Variants in NDUFS2 observed in about 807,000 individuals in gnomAD.
NDUFS2 encodes the protein NADH dehydrogenase [ubiquinone] iron-sulfur protein 2, mitochondrial.
A neutral mutation model predicts 69.6 loss-of-function variants in NDUFS2; 38 were observed. That is an observed-to-expected ratio of 0.55 (90% CI 0.42 to 0.72). The LOEUF (loss-of-function observed/expected upper bound fraction) is 0.72. Ranked by LOEUF, NDUFS2 falls within the 30% of genes least tolerant of loss-of-function variation. NDUFS2 has a pLI of 0.00. For synonymous variants in NDUFS2, 194 were observed against 211.2 expected, an observed-to-expected ratio of 0.92 and a Z score of 0.70; for missense variants, 468 against 595.0, an observed-to-expected ratio of 0.79 and a Z score of 2.22.
At chr1:161,210,045 G>A (rs567091843) in intron 6 of NDUFS2, 66 bp from the exon 7 acceptor site, 48 of 1,588,346 alleles carry the variant, frequency 3.0e-5, no homozygotes, top group Non-Finnish European at 4.0e-5. Context: ...GGGGGAGGGG[G>A]TGCTGAGAGG....
rs1447281617 is a variant in NDUFS2 at position 161,209,284 on chromosome 1, G to A, written c.485G>A (p.Arg162Gln). 6.2e-6 allele frequency: 10 copies of A among 1,613,956 alleles called. No individual in the cohort carries two copies. Among genetic ancestry groups the A allele is most frequent in the Admixed American group, 3.3e-5 (2 of 59,980 alleles). The change falls in exon 4 of 14, where the codon CGG becomes CAG. Residue 162 changes from arginine to glutamine, a missense_variant. Arg to Gln is a conservative substitution (Grantham distance 43). Transcript: ENST00000676972. Reference protein sequence around the residue: ...SLAVEKLLNIRPPPRAQWIRV... With the variant: ...SLAVEKLLNIQPPPRAQWIRV... Reference sequence around the variant, plus strand: ...GCTGTGGAGAAGTTGCTAAACATCCGGCCTCCTCCTCGGGCACAGTGGATC... The same window carrying A: ...GCTGTGGAGAAGTTGCTAAACATCCAGCCTCCTCCTCGGGCACAGTGGATC...
At position 161,209,989 on chromosome 1, in the gene NDUFS2, A is replaced by G. The variant is rs895858537; in HGVS notation, c.702+58A>G. The G allele has an allele frequency of 2.6e-5, 41 of 1,604,052 alleles. 1 individual carries two copies. In the African/African-American group the frequency reaches 3.6e-4, roughly 14 times the overall value. ...GCCCAGGCCTATTTTCCCTGTGGCC[A>G]CTGGAGGGCAGTGCTGGATGATGGA... On this transcript the variant is annotated intron_variant, in intron 6 of 13. Transcript: ENST00000676972.
At chr1:161,213,019 C>T (rs1218671167) in intron 10 of NDUFS2, 3 of 333,146 alleles carry the variant, frequency 9.0e-6, no homozygotes, top group Non-Finnish European at 1.8e-5. Context: ...ATTCTCCTGC[C>T]TTAGTCTCCC....
chr1:161,206,624 G>C (rs764316585), intron 3 of NDUFS2, 27 bp downstream of exon 3: 7 of 1,610,292 alleles, frequency 4.3e-6, no homozygotes, highest in Non-Finnish European at 5.9e-6. Flanking sequence ...GGAGCCTTTT[G>C]GCGGGATCTG....
In NDUFS2 at chr1:161,202,434, G is replaced by C. The variant is rs750157289; in HGVS notation, c.49G>C (p.Val17Leu). The C allele has an allele frequency of 6.2e-7, 1 of 1,612,914 alleles. No individual in the cohort carries two copies. The highest frequency in any genetic ancestry group is 8.5e-7 in the Non-Finnish European group (1 of 1,179,766). ...LCGFRGVAAQVLRPGAGVRLP... is the reference protein window; with the variant it reads ...LCGFRGVAAQLLRPGAGVRLP... Reference sequence around the variant, plus strand: ...CGGCTTCCGGGGCGTCGCGGCCCAGGTGCTGCGGCCTGGGGCTGGAGTCCG... The same window carrying C: ...CGGCTTCCGGGGCGTCGCGGCCCAGCTGCTGCGGCCTGGGGCTGGAGTCCG... The change falls in exon 1 of 14, where the codon GTG becomes CTG. Residue 17 changes from valine (V) to leucine (L), a missense_variant. By Grantham distance (32) the Val-to-Leu change is conservative (BLOSUM62 1). Coordinates refer to ENST00000676972, the MANE Select transcript of NDUFS2 (RefSeq NM_001377299.1).
intron 1 of NDUFS2, among the ~76,000 whole-genome samples, chr1:161,203,147 A>G (rs1040392616): frequency 5.9e-5 from 9 of 152,134 alleles, no homozygotes; most frequent in Non-Finnish European, 2.9e-5. Context: ...GTCTTTAAAA[A>G]AATACAAAAT....
chr1:161,202,038 G>A, upstream of NDUFS2: 2 of 416,700 alleles, frequency 4.8e-6, no homozygotes, highest in South Asian at 4.2e-5. Context: ...GCGGAAGGGA[G>A]TAGGGAAGGA....
chr1:161,212,266 T>G, intron 9 of NDUFS2, 85 bp from the exon 10 acceptor site: 1 of 1,567,678 alleles, frequency 6.4e-7, no homozygotes, highest in Non-Finnish European at 8.7e-7. Context: ...ACCTAACCCT[T>G]TTGAGGTTGG....
upstream of NDUFS2, among the ~76,000 whole-genome samples, chr1:161,201,117 A>C (rs1665097603): frequency 6.6e-6 from 1 of 152,248 alleles, no homozygotes. Flanking sequence ...TGAGGACAAC[A>C]GAGGGACCAA....
intron 1 of NDUFS2, 22 bp downstream of exon 1, chr1:161,202,502 GAC>G: frequency 6.3e-7 from 1 of 1,598,604 alleles, no homozygotes; most frequent in Non-Finnish European, 8.5e-7. Flanking sequence ...GGCAGCTCTC[GAC>G]ACACTTTCTC....
rs10629771 is a variant in NDUFS2, at chr1:161,214,269, CTGTGTGTGTGTG to C, written c.*96_*107del. ...CCTGTTCCTCACTGGAAATTGGCCTCTGTGTGTGTGTGTGTGTGTGTGTGTGTGTGTATGTTC... is the reference window on the plus strand; with the variant it reads ...CCTGTTCCTCACTGGAAATTGGCCTCTGTGTGTGTGTGTGTGTGTATGTTC... On this transcript the variant is annotated 3_prime_UTR_variant, in exon 14 of 14. Coordinates refer to ENST00000676972, the MANE Select transcript of NDUFS2 (RefSeq NM_001377299.1). The C allele has an allele frequency of 5.6e-5, 50 of 895,494 alleles. No individual in the cohort carries two copies. Among genetic ancestry groups the C allele is most frequent in the South Asian group, 2.7e-4 (19 of 70,634 alleles). 55.5% of individuals were successfully genotyped at this position (895,494 alleles called of 1,614,324 possible). A position where few individuals can be genotyped will look rare whatever the true frequency, so the allele number is the denominator to read the frequency against.
chr1:161,198,924 T>C (rs886513849), upstream of NDUFS2: 34 of 364,432 alleles, frequency 9.3e-5, no homozygotes, highest in Non-Finnish European at 4.5e-5. This position sits in a 1 kb window ranked among gnomAD's most constrained non-coding sequence, Gnocchi z 4.7. Context: ...TCTCCCTCTG[T>C]AGGACTCTGT....
At chr1:161,205,830 G>A (rs542697798) in intron 2 of NDUFS2, among the ~76,000 whole-genome samples, 1 of 152,012 alleles carries the variant, frequency 6.6e-6, no homozygotes, top group Non-Finnish European at 1.5e-5. Flanking sequence ...GTAAGCATTA[G>A]GTATACCATT....
chr1:161,212,230 C>T, intron 9 of NDUFS2, 121 bp from the exon 10 acceptor site: 3 of 1,265,818 alleles, frequency 2.4e-6, no homozygotes, highest in Non-Finnish European at 3.4e-6. Context: ...AGATGCTGTA[C>T]TTGGAGAAAA....
chr1:161,202,889 A>G (rs1333104913), intron 1 of NDUFS2, among the ~76,000 whole-genome samples: 1 of 152,198 alleles, frequency 6.6e-6, no homozygotes, highest in Non-Finnish European at 1.5e-5. Flanking sequence ...CCAACCTTGC[A>G]TGCCCAGGGG....
upstream of NDUFS2, chr1:161,198,312 C>T (rs150003159): frequency 6.2e-7 from 1 of 1,613,486 alleles, no homozygotes; most frequent in African/African-American, 1.3e-5. This position sits in a 1 kb window ranked among gnomAD's most constrained non-coding sequence, Gnocchi z 4.7. Flanking sequence ...ACTGTCAGCC[C>T]CTCGACCTGC....
intron 11 of NDUFS2, 25 bp from the exon 12 acceptor site, chr1:161,213,624 A>C: frequency 6.2e-7 from 1 of 1,612,308 alleles, no homozygotes; most frequent in Non-Finnish European, 8.5e-7. Flanking sequence ...GTTAATACAG[A>C]CACCCAACCT....
upstream of NDUFS2, among the ~76,000 whole-genome samples, chr1:161,199,803 G>A (rs114305388): frequency 0.011 from 1,697 of 151,796 alleles, 17 homozygotes; most frequent in Middle Eastern, 0.017. Flanking sequence ...TCTCCCTCAG[G>A]ATCCCCCTTC....
chr1:161,212,574 C>CA, intron 10 of NDUFS2, 94 bp downstream of exon 10: 2 of 1,337,048 alleles, frequency 1.5e-6, no homozygotes, highest in Non-Finnish European at 2.0e-6. Context: ...TTTTGGTTTT[C>CA]TTTTTTTTTT....
Sources: allele counts gnomAD v4.1 joint callset (sites outside exome capture counted in the v4.1 genomes callset), GRCh38; gene constraint gnomAD v4.1.1; non-coding constraint Gnocchi (gnomAD v3.1); transcripts MANE v1.5; gene names NCBI Gene and HGNC (gene_info 2026-07-23, HGNC 2026-07-21).